Variants in DNAH5 observed in about 807,000 individuals in gnomAD.
DNAH5 encodes the protein dynein axonemal heavy chain 5.
In DNAH5, 372 loss-of-function variants were observed where a neutral mutation model predicts 518.2. The observed-to-expected ratio is 0.72, with a 90% CI of 0.66 to 0.78. The LOEUF is 0.78. Among genes scored for constraint, DNAH5 ranks in the 30% least tolerant of loss-of-function variants. The pLI is 0.00. For synonymous variants in DNAH5, 2,039 were observed against 2,025.9 expected, an observed-to-expected ratio of 1.01 and a Z score of -0.17; for missense variants, 5,523 against 5,687.0, an observed-to-expected ratio of 0.97 and a Z score of 0.93.
At chr5:13,926,135 G>A (rs1210363445) in intron 3 of DNAH5, among the ~76,000 whole-genome samples, 1 of 152,194 alleles carries the variant, frequency 6.6e-6, no homozygotes, top group Non-Finnish European at 1.5e-5. Context: ...AGGAACCCAG[G>A]TGGGGCCCCT....
chr5:13,825,413 T>C (rs1762769792), intron 38 of DNAH5, among the ~76,000 whole-genome samples: 1 of 151,994 alleles, frequency 6.6e-6, no homozygotes, highest in Non-Finnish European at 1.5e-5. Context: ...AGCATATCCA[T>C]GTTCATAGCA....
chr5:14,004,765 G>A (rs1442660835), intron 1 of DNAH5, among the ~76,000 whole-genome samples: 1 of 152,148 alleles, frequency 6.6e-6, no homozygotes, highest in Admixed American at 6.5e-5. Flanking sequence ...TCTAGTATTG[G>A]TTATGCTGCT....
chr5:13,713,475 CGA>C (rs1491478256), intron 75 of DNAH5, among the ~76,000 whole-genome samples: 2 of 46,900 alleles, frequency 4.3e-5, no homozygotes, highest in Non-Finnish European at 9.0e-5. Flanking sequence ...ATACACACAC[CGA>C]TATATATATA....
At chr5:13,746,564 C>T (rs1749365202) in intron 65 of DNAH5, among the ~76,000 whole-genome samples, 1 of 152,118 alleles carries the variant, frequency 6.6e-6, no homozygotes, top group Non-Finnish European at 1.5e-5. Flanking sequence ...GGGTGAATAA[C>T]TAATATGTAT....
At chr5:13,757,671 G>A (rs909634820) in intron 61 of DNAH5, among the ~76,000 whole-genome samples, 4 of 151,880 alleles carry the variant, frequency 2.6e-5, no homozygotes, top group African/African-American at 9.7e-5. Flanking sequence ...TAATATCCAG[G>A]ATCTATAAGG....
chr5:13,708,263 T>C lies in DNAH5; in HGVS notation c.13198A>G (p.Met4400Val). The change falls in exon 76 of 79, where the codon ATG (methionine) becomes GTG (valine). Residue 4400 changes from methionine to valine, a missense_variant. Physicochemically the swap from Met to Val is conservative, Grantham distance 21. Transcript: ENST00000265104. ...NIFLRQEIDR[M>V]QRVLSLVRST... Reference sequence around the variant, plus strand: ...CGGACAAGGCTGAGTACCCTTTGCATTCTGTCTATTTCCTGCCTGAGGAAA... The same window carrying C: ...CGGACAAGGCTGAGTACCCTTTGCACTCTGTCTATTTCCTGCCTGAGGAAA... 1 of 1,614,172 alleles carries C rather than the reference T, an allele frequency of 6.2e-7. No individual in the cohort carries two copies. Among genetic ancestry groups the C allele is most frequent in the Non-Finnish European group, 8.5e-7 (1 of 1,180,008 alleles).
intron 17 of DNAH5, 45 bp downstream of exon 17, chr5:13,890,931 G>T: frequency 1.2e-6 from 2 of 1,611,076 alleles, no homozygotes; most frequent in South Asian, 2.2e-5. Flanking sequence ...ATAGGAAAAT[G>T]AATCACCAAA....
At position 14,005,056 on chromosome 5, in the gene DNAH5, A is replaced by T. The variant is rs983053576; in HGVS notation, c.12+6592T>A. Among the ~76,000 whole-genome samples, 10 of 152,162 alleles carry T rather than the reference A, an allele frequency of 6.6e-5. No individual in the cohort carries two copies. The East Asian group carries it at 1.9e-3, about 29-fold the overall frequency. ...ACGAGCCTCTTCATGGTGGGACTTG[A>T]AAGTCCCTCTGCAGCCTCAGCCTCA... On this transcript the variant is annotated intron_variant, in intron 1 of 78. Coordinates refer to the DNAH5 transcript ENST00000681290.
Position 13,857,697 on chromosome 5 carries a change from G to A in DNAH5, c.4950+1755C>T, listed in dbSNP as rs181037685. On this transcript the variant is annotated intron_variant, in intron 30 of 78. Coordinates refer to ENST00000265104, the MANE Select transcript of DNAH5 (RefSeq NM_001369.3). ...CCAAGGGAACAGAACAGAAGCTTCA[G>A]AAATAACACCACACATCTACAAACA... 1.3e-3 allele frequency among the ~76,000 whole-genome samples: 201 copies of A among 152,220 alleles called. 2 individuals are homozygous for A. The highest frequency in any genetic ancestry group is 4.3e-3 in the African/African-American group (179 of 41,518).
chr5:13,884,993 GAA>G lies in DNAH5; in HGVS notation c.2977_2978del (p.Phe993ProfsTer4), dbSNP rs1561503481. On this transcript the variant is annotated frameshift_variant, in exon 19 of 79. Coordinates refer to ENST00000265104, the MANE Select transcript of DNAH5 (RefSeq NM_001369.3). LOFTEE classifies it high-confidence loss of function. ...CAAACCACACAAGATTATTACCCCG[GAA>G]GTTAATTGTGTGAGAGGAATGAATA... The part of the protein sequence containing the change: ...KRIHSSHTIN[F>X]RDSNSASNMK... 6.2e-7 allele frequency: 1 copy of G among 1,614,154 alleles called. No individual in the cohort carries two copies. Among genetic ancestry groups the G allele is most frequent in the Admixed American group, 1.7e-5 (1 of 60,028 alleles).
intron 23 of DNAH5, 90 bp downstream of exon 23, chr5:13,871,474 C>G: frequency 8.6e-7 from 1 of 1,162,422 alleles, no homozygotes; most frequent in South Asian, 1.3e-5. Flanking sequence ...ATCTTTAAGA[C>G]AGGTAGAACT....
intron 31 of DNAH5, among the ~76,000 whole-genome samples, chr5:13,848,957 A>C (rs1291551138): frequency 6.6e-6 from 1 of 152,218 alleles, no homozygotes; most frequent in Non-Finnish European, 1.5e-5. Context: ...CATCACCTAA[A>C]TTAGAGTAAA....
chr5:13,736,772 C>T (rs1477993131), intron 66 of DNAH5, among the ~76,000 whole-genome samples: 3 of 152,116 alleles, frequency 2.0e-5, no homozygotes, highest in African/African-American at 7.2e-5. Context: ...GATAGCCGAT[C>T]CAACTGAATT....
chr5:13,809,944 T>A (rs1251917608), intron 45 of DNAH5, 115 bp downstream of exon 45: 1 of 1,103,092 alleles, frequency 9.1e-7, no homozygotes, highest in Admixed American at 2.0e-5. Flanking sequence ...CGTTTTCATA[T>A]CTTACAGCCA....
At chr5:13,814,344 T>C (rs1482028418) in intron 43 of DNAH5, among the ~76,000 whole-genome samples, 3 of 152,222 alleles carry the variant, frequency 2.0e-5, no homozygotes, top group African/African-American at 7.2e-5. Context: ...TTGGCAACAC[T>C]GTTGGTTCAT....
At position 13,908,884 on chromosome 5, in the gene DNAH5, G is replaced by A. The variant is rs538215759; in HGVS notation, c.1644+2502C>T. On this transcript the variant is annotated intron_variant, in intron 12 of 78. Transcript: ENST00000265104. ...CTCCAAGACTCCTGGACGCATCACC[G>A]CCCTTACTCCATTCAGAGTCGTGGG... 3.9e-5 allele frequency among the ~76,000 whole-genome samples: 6 copies of A among 152,244 alleles called. No homozygotes were observed. The South Asian group carries it at 1.0e-3, about 26-fold the overall frequency.
In DNAH5 at chr5:13,859,586, C is replaced by T. The variant is rs761592258; in HGVS notation, c.4816G>A (p.Ala1606Thr). Residue 1606 changes from alanine (A) to threonine (T), a missense_variant, in exon 30 of 79, where the codon GCC (alanine) becomes ACC (threonine). Physicochemically the swap from Ala to Thr is moderately conservative, Grantham distance 58. This residue lies in a region of DNAH5 where 5,121 missense variants were observed against 5,223.3 expected (regional missense o/e 0.98). Transcript: ENST00000265104. ...LSNRYNMPFK[A>T]QIQKWVQYLS... is the part of the protein sequence containing the mutation. Reference sequence around the variant, plus strand: ...TACTGCACCCATTTTTGAATCTGGGCTTTGAATGGCATATTGTACCTAAAA... The same window carrying T: ...TACTGCACCCATTTTTGAATCTGGGTTTTGAATGGCATATTGTACCTAAAA... 2 of 1,613,976 alleles carry T rather than the reference C, an allele frequency of 1.2e-6. No homozygotes were observed. Among genetic ancestry groups the T allele is most frequent in the South Asian group, 1.1e-5 (1 of 91,068 alleles).
At chr5:13,879,883 A>G (rs1388411683) in intron 21 of DNAH5, among the ~76,000 whole-genome samples, 1 of 152,010 alleles carries the variant, frequency 6.6e-6, no homozygotes, top group African/African-American at 2.4e-5. Flanking sequence ...GACAGAGGAA[A>G]CATACTCAGA....
chr5:13,744,920 A>G (rs1338310135), intron 65 of DNAH5, among the ~76,000 whole-genome samples: 1 of 152,108 alleles, frequency 6.6e-6, no homozygotes, highest in African/African-American at 2.4e-5. Flanking sequence ...AAGAGAACTC[A>G]GAAAGAGATT....
Sources: allele counts gnomAD v4.1 joint callset (sites outside exome capture counted in the v4.1 genomes callset), GRCh38; gene constraint gnomAD v4.1.1; regional missense constraint gnomAD v4.1.1; transcripts MANE v1.5; gene names NCBI Gene and HGNC (gene_info 2026-07-23, HGNC 2026-07-21).